FBXL13: variants seen among roughly 807,000 people sequenced by gnomAD.
FBXL13 encodes the protein F-box and leucine-rich repeat protein 13.
FBXL13 carries 67 observed loss-of-function variants against 83.6 expected under a neutral mutation model. The observed-to-expected ratio is 0.80, with a 90% CI of 0.66 to 0.98. The LOEUF (loss-of-function observed/expected upper bound fraction) is 0.98. Among genes scored for constraint, FBXL13 ranks in the 50% least tolerant of loss-of-function variants. The pLI, the probability that FBXL13 is intolerant of heterozygous loss-of-function variation, is 0.00. For missense variants in FBXL13, 822 were observed against 866.5 expected, an observed-to-expected ratio of 0.95 and a Z score of 0.64; for synonymous variants, 272 against 299.5, an observed-to-expected ratio of 0.91 and a Z score of 0.95.
At chr7:102,982,950 A>G (rs1828436442) in intron 6 of FBXL13, among the ~76,000 whole-genome samples, 1 of 152,102 alleles carries the variant, frequency 6.6e-6, no homozygotes, top group Non-Finnish European at 1.5e-5. Context: ...TCTTCTTTCT[A>G]CCATTATCCC....
At chr7:102,984,889 A>C (rs984811104) in intron 6 of FBXL13, among the ~76,000 whole-genome samples, 5 of 152,242 alleles carry the variant, frequency 3.3e-5, no homozygotes, top group Non-Finnish European at 7.3e-5. Flanking sequence ...AGAACAAATA[A>C]ATTTTTTGTA....
chr7:103,022,459 C>T (rs891635848), intron 6 of FBXL13, among the ~76,000 whole-genome samples: 29 of 151,878 alleles, frequency 1.9e-4, no homozygotes, highest in African/African-American at 7.0e-4. Flanking sequence ...TGCACATGTA[C>T]CCTAGAACTT....
intron 8 of FBXL13, among the ~76,000 whole-genome samples, chr7:102,962,507 C>T (rs892973976): frequency 6.6e-6 from 1 of 152,158 alleles, no homozygotes; most frequent in African/African-American, 2.4e-5. Context: ...GACTAGAAAT[C>T]ATGCTGCTAT....
intron 11 of FBXL13, among the ~76,000 whole-genome samples, chr7:102,888,900 T>C (rs1322015357): frequency 6.6e-6 from 1 of 152,098 alleles, no homozygotes; most frequent in East Asian, 1.9e-4. Context: ...CTTTCTTGCT[T>C]ATAACAAAAA....
intron 6 of FBXL13, among the ~76,000 whole-genome samples, chr7:102,983,097 G>C (rs1828460026): frequency 6.6e-6 from 1 of 152,174 alleles, no homozygotes; most frequent in East Asian, 1.9e-4. Context: ...GGCCTGCTGG[G>C]ACTTGAGTCT....
intron 17 of FBXL13, among the ~76,000 whole-genome samples, chr7:102,833,376 G>C (rs1304212384): frequency 1.3e-5 from 2 of 150,894 alleles, no homozygotes; most frequent in East Asian, 3.9e-4. Flanking sequence ...TTTTGCTTTC[G>C]TTTCCACCAT....
chr7:103,000,032 T>C (rs1319335878), intron 6 of FBXL13, among the ~76,000 whole-genome samples: 5 of 152,198 alleles, frequency 3.3e-5, no homozygotes, highest in Non-Finnish European at 7.3e-5. Flanking sequence ...TTTATTGCTA[T>C]AAACTTCCCT....
At chr7:102,819,891 G>A (rs1265736015) in intron 19 of FBXL13, among the ~76,000 whole-genome samples, 1 of 152,166 alleles carries the variant, frequency 6.6e-6, no homozygotes, top group Admixed American at 6.5e-5. Context: ...AATGCAAAAC[G>A]AAGCTGCTCC....
At chr7:103,042,105 G>A (rs1469801509) in intron 2 of FBXL13, among the ~76,000 whole-genome samples, 1 of 152,192 alleles carries the variant, frequency 6.6e-6, no homozygotes, top group Non-Finnish European at 1.5e-5. Context: ...TCCTTAAGCT[G>A]ATAAGCAACT....
intron 9 of FBXL13, among the ~76,000 whole-genome samples, chr7:102,928,002 G>A (rs757386548): frequency 5.9e-5 from 9 of 152,234 alleles, no homozygotes; most frequent in Non-Finnish European, 1.3e-4. Context: ...CACCCTCAGA[G>A]AGGCAGCCAC....
At chr7:102,899,832 G>T (rs2129464468) in intron 11 of FBXL13, among the ~76,000 whole-genome samples, 1 of 152,272 alleles carries the variant, frequency 6.6e-6, no homozygotes, top group African/African-American at 2.4e-5. Flanking sequence ...CCAGCACTTT[G>T]GGAGGACGAG....
intron 8 of FBXL13, among the ~76,000 whole-genome samples, chr7:102,954,816 G>T (rs2129477721): frequency 1.3e-5 from 2 of 152,200 alleles, no homozygotes; most frequent in Middle Eastern, 6.8e-3. Context: ...TAATGGTAAA[G>T]GAATCAATTC....
chr7:103,012,812 T>C (rs2129486662), intron 6 of FBXL13, among the ~76,000 whole-genome samples: 1 of 152,322 alleles, frequency 6.6e-6, no homozygotes, highest in South Asian at 2.1e-4. Flanking sequence ...TCGATACTAA[T>C]CTTGAATGTA....
intron 2 of FBXL13, among the ~76,000 whole-genome samples, chr7:103,053,425 T>A (rs948882400): frequency 6.6e-6 from 1 of 152,226 alleles, no homozygotes; most frequent in African/African-American, 2.4e-5. Context: ...AGTGCTGGAA[T>A]TACAGGCATG....
At chr7:103,039,699 A>G (rs934935992) in intron 2 of FBXL13, among the ~76,000 whole-genome samples, 3 of 152,350 alleles carry the variant, frequency 2.0e-5, no homozygotes, top group South Asian at 2.1e-4. Flanking sequence ...AGAATTTTCA[A>G]CCCAGAATCT....
chr7:102,961,424 A>G (rs1247428660), intron 8 of FBXL13, among the ~76,000 whole-genome samples: 7 of 150,418 alleles, frequency 4.7e-5, no homozygotes, highest in Non-Finnish European at 8.9e-5. Flanking sequence ...GGTAATTTAC[A>G]GATTCAATGC....
chr7:102,954,115 G>T (rs904446934), intron 8 of FBXL13, among the ~76,000 whole-genome samples: 2 of 152,174 alleles, frequency 1.3e-5, no homozygotes, highest in Non-Finnish European at 2.9e-5. Flanking sequence ...AAAAGCCAAA[G>T]CAGGGCAGAG....
At chr7:102,921,020 C>T (rs768912431) in intron 10 of FBXL13, among the ~76,000 whole-genome samples, 7 of 151,910 alleles carry the variant, frequency 4.6e-5, no homozygotes, top group Non-Finnish European at 1.0e-4. Flanking sequence ...GGCGTGGTGG[C>T]GGGCACCTGT....
intron 16 of FBXL13, chr7:102,857,368 C>G (rs950784782): frequency 1.3e-5 from 2 of 152,172 alleles, no homozygotes; most frequent in African/African-American, 4.8e-5. Context: ...ACAAGGAACT[C>G]AAACAACTCA....
Sources: gnomAD v4.1 joint callset for allele counts (sites outside exome capture counted in the v4.1 genomes callset) on GRCh38, gnomAD v4.1.1 for gene constraint, MANE v1.5 for transcripts, NCBI Gene and HGNC (gene_info 2026-07-23, HGNC 2026-07-21) for gene names.